Variants in RUNX1T1 observed in about 807,000 individuals in gnomAD.
RUNX1T1 encodes the protein RUNX1 partner transcriptional co-repressor 1, also known as protein CBFA2T1.
RUNX1T1 carries 4 observed loss-of-function variants against 62.8 expected under a neutral mutation model. The ratio of observed to expected loss-of-function variants is 0.06; its 90% CI spans 0.03 to 0.15. RUNX1T1 has a LOEUF of 0.15. RUNX1T1 is among the 10% of genes least tolerant of loss of function. The pLI is 1.00. For synonymous variants in RUNX1T1, 291 were observed against 286.0 expected, an observed-to-expected ratio of 1.02 and a Z score of -0.18; for missense variants, 508 against 754.3, an observed-to-expected ratio of 0.67 and a Z score of 3.82.
At chr8:91,956,306 T>G (rs1309549697), downstream of RUNX1T1, 1 of 231,386 alleles carries the variant, frequency 4.3e-6, no homozygotes, top group East Asian at 6.1e-5. Context: ...ATGAATGAGC[T>G]CGACTTTTGC....
intron 5 of RUNX1T1, chr8:91,994,577 T>G (rs1376930380): frequency 1.4e-5 from 7 of 496,128 alleles, no homozygotes; most frequent in African/African-American, 9.7e-5. Context: ...ACTAGCTGTG[T>G]GACCTTGGTC....
chr8:92,027,267 T>G (rs1228676722), intron 1 of RUNX1T1, among the ~76,000 whole-genome samples: 1 of 152,204 alleles, frequency 6.6e-6, no homozygotes, highest in Non-Finnish European at 1.5e-5. Flanking sequence ...ATACTCAAAT[T>G]TACATGTGCC....
At chr8:92,102,997 C>G (rs1838111706), upstream of RUNX1T1, 1 of 1,142,482 alleles carries the variant, frequency 8.8e-7, no homozygotes. The surrounding 1 kb of genome is among the most constrained non-coding windows in gnomAD (Gnocchi z 4.5). Context: ...TGTCCGCGGC[C>G]ACTCGCCCAC....
intron 6 of RUNX1T1, among the ~76,000 whole-genome samples, chr8:91,987,487 T>C (rs1255698978): frequency 2.0e-5 from 3 of 152,126 alleles, no homozygotes; most frequent in African/African-American, 4.8e-5. Context: ...GTGATAAAAT[T>C]AGACCATGAA....
chr8:91,977,349 T>G (rs931578629), intron 8 of RUNX1T1: 1 of 193,812 alleles, frequency 5.2e-6, no homozygotes, highest in African/African-American at 2.3e-5. Flanking sequence ...AATAATAGGA[T>G]GGACTGGAAA....
At chr8:91,996,264 C>T (rs1355139492) in intron 5 of RUNX1T1, among the ~76,000 whole-genome samples, 4 of 151,950 alleles carry the variant, frequency 2.6e-5, no homozygotes, top group Admixed American at 1.3e-4. Context: ...TGCAGTGGTG[C>T]AATCTTGGCT....
intron 1 of RUNX1T1, among the ~76,000 whole-genome samples, chr8:92,082,097 G>A (rs979738158): frequency 1.3e-5 from 2 of 152,076 alleles, no homozygotes; most frequent in Non-Finnish European, 2.9e-5. Flanking sequence ...GTGTTAGCCA[G>A]GATGGTCTCG....
intron 10 of RUNX1T1, among the ~76,000 whole-genome samples, chr8:91,966,103 C>CAT (rs59908043): frequency 0.018 from 2,661 of 146,388 alleles, 70 homozygotes; most frequent in Middle Eastern, 0.064. Context: ...AAACAGCTGG[C>CAT]ATATATATAT....
intron 10 of RUNX1T1, among the ~76,000 whole-genome samples, chr8:91,965,855 C>T (rs1407397160): frequency 2.6e-5 from 4 of 152,026 alleles, no homozygotes; most frequent in East Asian, 3.9e-4. Flanking sequence ...TTTTCTTCTC[C>T]GTTTTCCTCT....
chr8:92,065,007 G>C (rs1254797689), upstream of RUNX1T1, among the ~76,000 whole-genome samples: 2 of 152,158 alleles, frequency 1.3e-5, no homozygotes, highest in African/African-American at 4.8e-5. Context: ...GAATGTGTGT[G>C]CATCTGAGAC....
chr8:91,963,411 T>C (rs1458886743), intron 10 of RUNX1T1, among the ~76,000 whole-genome samples: 1 of 152,146 alleles, frequency 6.6e-6, no homozygotes, highest in Admixed American at 6.5e-5. Flanking sequence ...TAGGGAACTT[T>C]AGTGAGTGTT....
chr8:92,097,128 G>T (rs926958141), intron 1 of RUNX1T1, among the ~76,000 whole-genome samples: 2 of 152,178 alleles, frequency 1.3e-5, no homozygotes, highest in Admixed American at 6.5e-5. Context: ...CAGATAAAAA[G>T]GGGTCTGCCA....
At chr8:91,977,715 C>T (rs918799837) in intron 8 of RUNX1T1, among the ~76,000 whole-genome samples, 6 of 152,032 alleles carry the variant, frequency 3.9e-5, no homozygotes, top group Admixed American at 2.0e-4. Flanking sequence ...AAGAAAAAAA[C>T]GTGACTTCAA....
rs187474250 is a variant in RUNX1T1, at chr8:92,049,241, T to C, written c.7+13305A>G. On this transcript the variant is annotated intron_variant, in intron 1 of 10. Coordinates refer to ENST00000396218, the Ensembl canonical transcript of RUNX1T1. ...CAGCAAGGCAACTATCTTTTTCGAA[T>C]TACCCTCAAACCTCACAAGCCTATC... is the stretch of plus-strand genomic sequence containing the variant. Among the ~76,000 whole-genome samples the C allele has an allele frequency of 7.3e-4, 111 of 152,314 alleles. 1 individual carries two copies. Among genetic ancestry groups the C allele is most frequent in the Admixed American group, 5.4e-3 (82 of 15,304 alleles).
chr8:92,060,553 A>ATATGTGTGTGTGTGTGTGTGTGTG, intron 1 of RUNX1T1, among the ~76,000 whole-genome samples: 1 of 63,948 alleles, frequency 1.6e-5, no homozygotes. Context: ...ATATATATAT[A>ATATGTGTGTGTGTGTGTGTGTGTG]TGTGTGTGTG....
intron 2 of RUNX1T1, among the ~76,000 whole-genome samples, chr8:92,073,617 T>G: frequency 6.6e-6 from 1 of 152,186 alleles, no homozygotes; most frequent in East Asian, 1.9e-4. Context: ...CCCAACTTCT[T>G]GAGTTTGAAC....
intron 1 of RUNX1T1, among the ~76,000 whole-genome samples, chr8:92,033,700 G>A (rs894636548): frequency 7.2e-5 from 11 of 152,176 alleles, no homozygotes; most frequent in African/African-American, 1.9e-4. Flanking sequence ...GGCTGGGTGC[G>A]GTGGCTCACG....
chr8:91,978,655 T>C (rs1814511418), intron 8 of RUNX1T1, among the ~76,000 whole-genome samples: 1 of 152,216 alleles, frequency 6.6e-6, no homozygotes, highest in African/African-American at 2.4e-5. Flanking sequence ...CCTTTGTCCT[T>C]GGAAGCAAAA....
chr8:91,960,286 T>C lies in RUNX1T1; in HGVS notation c.1690A>G (p.Thr564Ala), dbSNP rs765059577. The change falls in exon 11 of 11, where the codon ACC becomes GCC. Residue 564 changes from threonine to alanine, a missense_variant. Physicochemically the swap from Thr to Ala is moderately conservative, Grantham distance 58. Transcript: ENST00000396218. Reference sequence around the variant, plus strand: ...ATGGTGGAAGGGGTTCCCGGGGTGGTTGACCTCGGAGTGGCTGCTGGTGGT... The same window carrying C: ...ATGGTGGAAGGGGTTCCCGGGGTGGCTGACCTCGGAGTGGCTGCTGGTGGT... 70 of 1,610,274 alleles carry C rather than the reference T, an allele frequency of 4.3e-5. No individual in the cohort carries two copies. Among genetic ancestry groups the C allele is most frequent in the Non-Finnish European group, 5.7e-5 (67 of 1,178,332 alleles).
Sources: allele counts gnomAD v4.1 joint callset (sites outside exome capture counted in the v4.1 genomes callset), GRCh38; gene constraint gnomAD v4.1.1; non-coding constraint Gnocchi (gnomAD v3.1); transcripts MANE v1.5; gene names NCBI Gene and HGNC (gene_info 2026-07-23, HGNC 2026-07-21).